Variants in GNG2 observed in about 807,000 individuals in gnomAD.
GNG2 encodes the protein G protein subunit gamma 2.
GNG2 carries 5 observed loss-of-function variants against 5.5 expected under a neutral mutation model. That is an observed-to-expected ratio of 0.91 (90% confidence interval 0.48 to 1.92). The LOEUF (loss-of-function observed/expected upper bound fraction) is 1.92, where lower values mean the gene tolerates loss of function less well. Ranked by LOEUF, GNG2 falls within the 30% of genes most tolerant of loss-of-function variation. GNG2 has a pLI of 0.01. For synonymous variants in GNG2, 28 were observed against 32.0 expected (o/e 0.88, Z 0.42); for missense variants, 55 against 88.4 (o/e 0.62, Z 1.52).
intron 3 of GNG2, among the ~76,000 whole-genome samples, chr14:51,965,561 C>G (rs1221798156): frequency 1.3e-5 from 2 of 152,166 alleles, no homozygotes; most frequent in Non-Finnish European, 2.9e-5. Context: ...ATGACAGCAT[C>G]GCCAGAATCA....
intron 2 of GNG2, among the ~76,000 whole-genome samples, chr14:51,946,214 G>A (rs113726126): frequency 1.3e-5 from 2 of 152,322 alleles, no homozygotes; most frequent in African/African-American, 2.4e-5. Flanking sequence ...CAGCAACATA[G>A]TATTCAAAAT....
intron 2 of GNG2, among the ~76,000 whole-genome samples, chr14:51,883,887 T>G (rs1329658401): frequency 2.0e-5 from 3 of 152,148 alleles, no homozygotes; most frequent in Admixed American, 6.5e-5. Flanking sequence ...TTTGTGACAA[T>G]TATGATTTTA....
intron 2 of GNG2, among the ~76,000 whole-genome samples, chr14:51,894,095 A>C (rs1343870): frequency 0.22 from 32,796 of 151,994 alleles, 4,689 homozygotes; most frequent in Non-Finnish European, 0.32. Context: ...TAAAATTTAA[A>C]CTCATTTTGT....
At chr14:51,890,988 A>G (rs1457882410) in intron 2 of GNG2, among the ~76,000 whole-genome samples, 1 of 152,202 alleles carries the variant, frequency 6.6e-6, no homozygotes, top group Non-Finnish European at 1.5e-5. Flanking sequence ...TCTTTAGAGA[A>G]GTGACAAGAC....
At chr14:51,884,550 C>G (rs115781020) in intron 2 of GNG2, among the ~76,000 whole-genome samples, 1 of 152,274 alleles carries the variant, frequency 6.6e-6, no homozygotes, top group African/African-American at 2.4e-5. Flanking sequence ...TAGTCTTGAG[C>G]CAGACCACAT....
intron 2 of GNG2, among the ~76,000 whole-genome samples, chr14:51,883,020 A>G (rs1376867204): frequency 1.3e-5 from 2 of 151,368 alleles, no homozygotes; most frequent in African/African-American, 2.4e-5. Context: ...AAAAAAAAAA[A>G]AAGAAAAAAA....
chr14:51,948,037 G>T (rs8017436), intron 2 of GNG2, among the ~76,000 whole-genome samples: 59,885 of 151,972 alleles, frequency 0.39, 11,883 homozygotes, highest in Middle Eastern at 0.45. Context: ...AGGTTCAAGA[G>T]GGACTTCTGT....
At chr14:51,873,612 C>T (rs1212670188) in intron 1 of GNG2, among the ~76,000 whole-genome samples, 6 of 152,144 alleles carry the variant, frequency 3.9e-5, no homozygotes, top group Non-Finnish European at 7.4e-5. Flanking sequence ...TTGGCATTCT[C>T]TTGGGAAAAA....
At chr14:51,912,350 C>T (rs558070153) in intron 2 of GNG2, among the ~76,000 whole-genome samples, 1 of 152,290 alleles carries the variant, frequency 6.6e-6, no homozygotes, top group South Asian at 2.1e-4. Context: ...TATCCCCACA[C>T]CCCAACCCCC....
intron 1 of GNG2, among the ~76,000 whole-genome samples, chr14:51,867,402 C>T (rs1217932209): frequency 1.3e-5 from 2 of 152,266 alleles, no homozygotes; most frequent in East Asian, 3.9e-4. Context: ...ATCACCTTTC[C>T]CACTCCTCAA....
intron 2 of GNG2, among the ~76,000 whole-genome samples, chr14:51,885,069 C>G (rs1054949562): frequency 2.0e-5 from 3 of 152,230 alleles, no homozygotes; most frequent in East Asian, 1.9e-4. Context: ...AAGGAGAGAG[C>G]CCAGTCATAA....
intron 2 of GNG2, among the ~76,000 whole-genome samples, chr14:51,829,252 A>G (rs889654744): frequency 6.6e-6 from 1 of 152,006 alleles, no homozygotes; most frequent in African/African-American, 2.4e-5. Context: ...CCACAGCAGC[A>G]CCTTCTCAGT....
intron 2 of GNG2, among the ~76,000 whole-genome samples, chr14:51,849,736 TA>T: frequency 6.6e-6 from 1 of 152,092 alleles, no homozygotes; most frequent in East Asian, 1.9e-4. Flanking sequence ...TGGCACCTAG[TA>T]AACTTCCAAT....
At chr14:51,931,886 T>C (rs1887677569) in intron 2 of GNG2, among the ~76,000 whole-genome samples, 1 of 152,110 alleles carries the variant, frequency 6.6e-6, no homozygotes, top group Non-Finnish European at 1.5e-5. Flanking sequence ...TATAGCCATG[T>C]TCACGGCACC....
At chr14:51,917,626 G>T in intron 2 of GNG2, 2 of 285,446 alleles carry the variant, frequency 7.0e-6, no homozygotes, top group Non-Finnish European at 1.4e-5. Flanking sequence ...GTAAAAATCA[G>T]ACTTTTTTTT....
intron 3 of GNG2, chr14:51,951,797 G>C (rs1888990521): frequency 1.5e-6 from 1 of 680,842 alleles, no homozygotes; most frequent in Non-Finnish European, 2.6e-6. Flanking sequence ...GTCTATGGCT[G>C]CTTTCACTCT....
chr14:51,826,860 T>A (rs761373043), intron 1 of GNG2, among the ~76,000 whole-genome samples: 5 of 152,164 alleles, frequency 3.3e-5, no homozygotes, highest in Non-Finnish European at 2.9e-5. Context: ...AAAAGACCCA[T>A]AAATAAGCAC....
chr14:51,895,306 C>T (rs1337101555), intron 2 of GNG2, among the ~76,000 whole-genome samples: 1 of 152,132 alleles, frequency 6.6e-6, no homozygotes, highest in Non-Finnish European at 1.5e-5. Flanking sequence ...GAATGGAACA[C>T]AGTGTTTTAA....
At chr14:51,888,380 A>G (rs1325989372) in intron 2 of GNG2, among the ~76,000 whole-genome samples, 1 of 152,106 alleles carries the variant, frequency 6.6e-6, no homozygotes, top group Non-Finnish European at 1.5e-5. Context: ...GTACAGTGAC[A>G]TGATCATAGC....
Sources: allele counts gnomAD v4.1 joint callset (sites outside exome capture counted in the v4.1 genomes callset), GRCh38; gene constraint gnomAD v4.1.1; transcripts MANE v1.5; gene names NCBI Gene and HGNC (gene_info 2026-07-23, HGNC 2026-07-21).